Variants in CALCRL observed in about 807,000 individuals in gnomAD.
CALCRL encodes calcitonin receptor like receptor, also known as calcitonin gene-related peptide type 1 receptor.
In CALCRL, 27 loss-of-function variants were observed where a neutral mutation model predicts 60.4. The ratio of observed to expected loss-of-function variants is 0.45; its 90% CI spans 0.33 to 0.62. The LOEUF (loss-of-function observed/expected upper bound fraction) is 0.62, where lower values mean the gene tolerates loss of function less well. CALCRL is among the 20% of genes least tolerant of loss of function. The probability of loss-of-function intolerance (pLI) is 0.03; values close to 1 mark genes in which losing one functional copy is unlikely to be tolerated. For synonymous variants in CALCRL, 190 were observed against 182.6 expected (o/e 1.04, Z -0.33); for missense variants, 424 against 540.7 (o/e 0.78, Z 2.14).
intron 1 of CALCRL, among the ~76,000 whole-genome samples, chr2:187,412,356 T>A (rs1360000020): frequency 6.6e-6 from 1 of 152,164 alleles, no homozygotes; most frequent in Admixed American, 6.5e-5. Flanking sequence ...CAGGGTAGAC[T>A]TGGAACTGAG....
At chr2:187,423,961 T>C (rs1028410017) in intron 1 of CALCRL, among the ~76,000 whole-genome samples, 1 of 152,078 alleles carries the variant, frequency 6.6e-6, no homozygotes, top group African/African-American at 2.4e-5. Flanking sequence ...ACATCTGATT[T>C]CAAAATATAG....
chr2:187,408,634 G>C (rs1293548653), intron 1 of CALCRL, among the ~76,000 whole-genome samples: 3 of 151,692 alleles, frequency 2.0e-5, no homozygotes, highest in Non-Finnish European at 4.4e-5. Flanking sequence ...CCCTTCTATG[G>C]CTGGTTTTGT....
rs769192806 is a variant in CALCRL at position 187,363,349 on chromosome 2, C to T, written c.627+27G>A. On this transcript the variant is annotated intron_variant, in intron 9 of 14. Transcript: ENST00000392370. The stretch of plus-strand genomic sequence containing the variant: ...CCCCCTTTCCCATTAGGCCCTTGAA[C>T]CAAGGGCACAATCTTGGTTTACTTA... The T allele has an allele frequency of 3.8e-6, 6 of 1,596,114 alleles. No individual in the cohort carries two copies. In the Admixed American group the frequency reaches 1.1e-4, roughly 28 times the overall value.
chr2:187,350,490 T>G (rs1686478418), intron 14 of CALCRL, among the ~76,000 whole-genome samples: 1 of 150,776 alleles, frequency 6.6e-6, no homozygotes, highest in Non-Finnish European at 1.5e-5. Flanking sequence ...AGCAGAAGAA[T>G]TATGGAAGTA....
intron 12 of CALCRL, among the ~76,000 whole-genome samples, chr2:187,357,889 T>C (rs1157677892): frequency 6.7e-6 from 1 of 150,368 alleles, no homozygotes; most frequent in East Asian, 1.9e-4. Context: ...TGCATATGTA[T>C]GTAACAAACC....
intron 1 of CALCRL, among the ~76,000 whole-genome samples, chr2:187,439,352 G>A (rs1690788646): frequency 1.3e-5 from 2 of 152,016 alleles, no homozygotes; most frequent in Admixed American, 6.6e-5. Context: ...GTGTGGTCAC[G>A]CTGAGGTAGG....
At chr2:187,420,018 G>T (rs1689800904) in intron 1 of CALCRL, among the ~76,000 whole-genome samples, 1 of 152,056 alleles carries the variant, frequency 6.6e-6, no homozygotes, top group Non-Finnish European at 1.5e-5. Context: ...AGTTGCTATT[G>T]TCACATTGAA....
chr2:187,424,795 A>ATAATG (rs1690046387), intron 1 of CALCRL, among the ~76,000 whole-genome samples: 1 of 152,004 alleles, frequency 6.6e-6, no homozygotes, highest in African/African-American at 2.4e-5. Context: ...TGGAGTCTAC[A>ATAATG]TAATTTGGGA....
intron 8 of CALCRL, among the ~76,000 whole-genome samples, chr2:187,364,458 ATGTG>A (rs561065470): frequency 6.6e-6 from 1 of 151,812 alleles, no homozygotes; most frequent in South Asian, 2.1e-4. Context: ...AAATTTCATG[ATGTG>A]TGTGTGTGTT....
intron 1 of CALCRL, among the ~76,000 whole-genome samples, chr2:187,416,295 A>G (rs1330127034): frequency 1.3e-5 from 2 of 152,224 alleles, no homozygotes; most frequent in Non-Finnish European, 2.9e-5. Flanking sequence ...CAGGACATTC[A>G]GCACTTATAA....
At chr2:187,411,796 A>T (rs1157184782) in intron 1 of CALCRL, among the ~76,000 whole-genome samples, 1 of 151,878 alleles carries the variant, frequency 6.6e-6, no homozygotes, top group Non-Finnish European at 1.5e-5. Flanking sequence ...GGAGATCGAG[A>T]CCAGCCTGGC....
At chr2:187,439,216 C>A (rs1224497268) in intron 1 of CALCRL, among the ~76,000 whole-genome samples, 1 of 152,136 alleles carries the variant, frequency 6.6e-6, no homozygotes, top group Non-Finnish European at 1.5e-5. Flanking sequence ...GGTGCAGTGG[C>A]TCACACCTGT....
At chr2:187,352,960 C>T (rs1457367516) in intron 12 of CALCRL, among the ~76,000 whole-genome samples, 1 of 151,808 alleles carries the variant, frequency 6.6e-6, no homozygotes, top group Non-Finnish European at 1.5e-5. Flanking sequence ...ATAAGACTTC[C>T]TGTTAATTAC....
chr2:187,368,509 A>G (rs1391374630), intron 8 of CALCRL, among the ~76,000 whole-genome samples: 2 of 152,214 alleles, frequency 1.3e-5, no homozygotes, highest in African/African-American at 4.8e-5. Flanking sequence ...CATTCTTTCT[A>G]TAGTTGTTGC....
rs1053976961 is a variant in CALCRL, at chr2:187,383,258, C to A, written c.99G>T (p.Gln33His). ...ELEESPEDSI[Q>H]LGVTRNKIMT... is the part of the protein sequence containing the mutation. ...TGATTTTATTTCTAGTAACTCCCAACTGAATTGAGTCCTCAGGACTCTCTT... is the reference window on the plus strand; with the variant it reads ...TGATTTTATTTCTAGTAACTCCCAAATGAATTGAGTCCTCAGGACTCTCTT... The change falls in exon 5 of 15, where the codon CAG becomes CAT. Residue 33 changes from glutamine to histidine, a missense_variant. Around this residue, in one of 7 missense-constraint regions of CALCRL, gnomAD observed 108 missense variants for 132.9 expected, o/e 0.81. Transcript: ENST00000392370. 1 of 1,611,966 alleles carries A rather than the reference C, an allele frequency of 6.2e-7. No homozygotes were observed. The highest frequency in any genetic ancestry group is 1.3e-5 in the African/African-American group (1 of 74,776).
At chr2:187,390,149 C>T (rs537589956) in intron 1 of CALCRL, among the ~76,000 whole-genome samples, 1 of 151,960 alleles carries the variant, frequency 6.6e-6, no homozygotes, top group Non-Finnish European at 1.5e-5. Flanking sequence ...AAAATAAAAT[C>T]CTGAAAACTA....
chr2:187,377,127 T>C (rs1386894331), intron 8 of CALCRL, among the ~76,000 whole-genome samples: 1 of 152,116 alleles, frequency 6.6e-6, no homozygotes, highest in Non-Finnish European at 1.5e-5. Flanking sequence ...TGATTTTATA[T>C]TAATTACAAT....
chr2:187,352,372 A>G (rs1466681220), intron 12 of CALCRL, 40 bp from the exon 13 acceptor site: 20 of 1,137,166 alleles, frequency 1.8e-5, no homozygotes, highest in Non-Finnish European at 2.5e-5. Flanking sequence ...ATCATTTCAT[A>G]TTTAATATTA....
chr2:187,366,803 C>T (rs1038887145), intron 8 of CALCRL, among the ~76,000 whole-genome samples: 16 of 151,942 alleles, frequency 1.1e-4, no homozygotes, highest in South Asian at 2.1e-4. Context: ...CTGTTCCTCT[C>T]AGAATTCCAT....
Sources: allele counts gnomAD v4.1 joint callset (sites outside exome capture counted in the v4.1 genomes callset), GRCh38; gene constraint gnomAD v4.1.1; regional missense constraint gnomAD v4.1.1; transcripts MANE v1.5; gene names NCBI Gene and HGNC (gene_info 2026-07-23, HGNC 2026-07-21).